Variants in SPSB4 observed in about 807,000 individuals in gnomAD.
SPSB4 encodes splA/ryanodine receptor domain and SOCS box containing 4, also known as SPRY domain-containing SOCS box protein 4.
In SPSB4, 21 loss-of-function variants were observed where a neutral mutation model predicts 20.9. That is an observed-to-expected ratio of 1.01 (90% confidence interval 0.71 to 1.45). The LOEUF (loss-of-function observed/expected upper bound fraction) is 1.45. SPSB4 is among the 40% of genes most tolerant of loss of function. The pLI is 0.00. For missense variants in SPSB4, 399 were observed against 399.2 expected (o/e 1.00, Z 0.00); for synonymous variants, 207 against 183.8 (o/e 1.13, Z -1.02).
At chr3:141,067,976 C>T (rs1253082627) in intron 2 of SPSB4, among the ~76,000 whole-genome samples, 2 of 152,228 alleles carry the variant, frequency 1.3e-5, no homozygotes, top group Non-Finnish European at 2.9e-5. Context: ...GGGTTCCCCC[C>T]AGTTCTGATG....
intron 1 of SPSB4, among the ~76,000 whole-genome samples, chr3:141,058,804 C>G (rs1937707155): frequency 6.6e-6 from 1 of 152,122 alleles, no homozygotes; most frequent in Non-Finnish European, 1.5e-5. Flanking sequence ...TGGATACAGC[C>G]AAGAGTCAGC....
chr3:141,095,222 C>G (rs567454854), intron 2 of SPSB4, among the ~76,000 whole-genome samples: 1 of 152,112 alleles, frequency 6.6e-6, no homozygotes, highest in Non-Finnish European at 1.5e-5. Context: ...CCGCAGTCCC[C>G]GGAGAGTTGC....
chr3:141,066,771 A>G lies in SPSB4; in HGVS notation c.667A>G (p.Thr223Ala), dbSNP rs1937894375. ...TGCCGTGTGGGGCCACTGTGAAGTCACCATGCGCTACATCAACGGCCTTGA... is the reference window on the plus strand; with the variant it reads ...TGCCGTGTGGGGCCACTGTGAAGTCGCCATGCGCTACATCAACGGCCTTGA... The part of the protein sequence containing the change: ...VSAVWGHCEV[T>A]MRYINGLDPE... Residue 223 changes from threonine (T) to alanine (A), a missense_variant, in exon 2 of 3, where the codon ACC becomes GCC. By Grantham distance (58) the Thr-to-Ala change is moderately conservative. Transcript: ENST00000310546. 1.3e-6 allele frequency: 2 copies of G among 1,567,000 alleles called. No homozygotes were observed.
intron 2 of SPSB4, among the ~76,000 whole-genome samples, chr3:141,142,873 G>C (rs1301320621): frequency 7.8e-6 from 1 of 128,722 alleles, no homozygotes; most frequent in African/African-American, 2.9e-5. Context: ...CTGGAGTGCA[G>C]TGGCATGATC....
chr3:141,052,857 T>C (rs1358883745), intron 1 of SPSB4, among the ~76,000 whole-genome samples: 1 of 152,140 alleles, frequency 6.6e-6, no homozygotes, highest in Non-Finnish European at 1.5e-5. Flanking sequence ...CGCCAGGGGC[T>C]CCAAGCCAGA....
At chr3:141,142,980 C>A (rs1466474169) in intron 2 of SPSB4, among the ~76,000 whole-genome samples, 2 of 151,794 alleles carry the variant, frequency 1.3e-5, no homozygotes, top group African/African-American at 2.4e-5. Context: ...CCACGCCCAG[C>A]TAATTTTTTG....
At chr3:141,060,369 C>T (rs1257446153) in intron 1 of SPSB4, among the ~76,000 whole-genome samples, 1 of 152,170 alleles carries the variant, frequency 6.6e-6, no homozygotes, top group Non-Finnish European at 1.5e-5. Context: ...GTGGGCCACA[C>T]AGAGCTGGTT....
At position 141,101,820 on chromosome 3, in the gene SPSB4, C is replaced by A. The variant is rs1938616704; in HGVS notation, c.694+35022C>A. 2.0e-5 allele frequency among the ~76,000 whole-genome samples: 3 copies of A among 152,328 alleles called. 1 individual carries two copies. The South Asian group carries it at 6.2e-4, about 32-fold the overall frequency. ...AACGTGTTGCACATCTTAAACTAGTCATAATAGGTTCTGCACTATTCGTTT... is the reference window on the plus strand; with the variant it reads ...AACGTGTTGCACATCTTAAACTAGTAATAATAGGTTCTGCACTATTCGTTT... On this transcript the variant is annotated intron_variant, in intron 2 of 2. Coordinates refer to ENST00000310546, the MANE Select transcript of SPSB4 (RefSeq NM_080862.3).
Position 141,122,756 on chromosome 3 carries a change from G to A in SPSB4, c.695-24386G>A, listed in dbSNP as rs143481009. Among the ~76,000 whole-genome samples, 661 of 152,346 alleles carry A rather than the reference G, an allele frequency of 4.3e-3. 11 individuals carry two copies. Among genetic ancestry groups the A allele is most frequent in the Admixed American group, 0.03 (462 of 15,308 alleles). On this transcript the variant is annotated intron_variant, in intron 2 of 2. Transcript: ENST00000310546. ...GCGTGGGACCCGCCAAGCCAGGCAC[G>A]GGAGGGAATTTCCTGGTCTGCCTGT...
At chr3:141,077,928 T>G (rs1401389525) in intron 2 of SPSB4, among the ~76,000 whole-genome samples, 1 of 152,242 alleles carries the variant, frequency 6.6e-6, no homozygotes, top group Admixed American at 6.5e-5. Context: ...ACCCCATCAC[T>G]GCATCAACTG....
intron 2 of SPSB4, among the ~76,000 whole-genome samples, chr3:141,140,983 T>A (rs1418553102): frequency 6.6e-6 from 1 of 152,216 alleles, no homozygotes; most frequent in East Asian, 1.9e-4. Context: ...TCCACCCAGT[T>A]TGAGCTTCCT....
chr3:141,094,747 T>C, intron 2 of SPSB4, among the ~76,000 whole-genome samples: 1 of 151,930 alleles, frequency 6.6e-6, no homozygotes, highest in East Asian at 1.9e-4. Context: ...GCCTGAAGGT[T>C]CTCCCTTGTG....
intron 1 of SPSB4, among the ~76,000 whole-genome samples, chr3:141,055,768 G>C (rs1559836187): frequency 6.6e-6 from 1 of 152,208 alleles, no homozygotes; most frequent in African/African-American, 2.4e-5. Context: ...CAGATTCCGA[G>C]GTGCACATGG....
Position 141,066,418 on chromosome 3 carries a change from CG to C in SPSB4, c.316del (p.Ala106LeufsTer9). 2.0e-6 allele frequency: 3 copies of C among 1,524,468 alleles called. No individual in the cohort carries two copies. The highest frequency in any genetic ancestry group is 2.6e-6 in the Non-Finnish European group (3 of 1,137,012). The allele number at this position is 1,524,468 out of a possible 1,614,324, so 94.4% of individuals were successfully genotyped here. A position where few individuals can be genotyped will look rare whatever the true frequency, so the allele number is the denominator to read the frequency against. On this transcript the variant is annotated frameshift_variant, in exon 2 of 3. Transcript: ENST00000310546. LOFTEE classifies it high-confidence loss of function. ...CTGCACGCCTGGCAGATCAACTGGCCGGCTCGGCAGCGCGGCACCCACGCTG... is the reference window on the plus strand; with the variant it reads ...CTGCACGCCTGGCAGATCAACTGGCCGCTCGGCAGCGCGGCACCCACGCTG... ...RGLHAWQINWPARQRGTHAVV... is the reference protein window; with the variant it reads ...RGLHAWQINWXARQRGTHAVV...
chr3:141,139,045 ATAGT>A (rs1193646074), intron 2 of SPSB4, among the ~76,000 whole-genome samples: 1 of 152,124 alleles, frequency 6.6e-6, no homozygotes, highest in African/African-American at 2.4e-5. Context: ...TATATTTAGG[ATAGT>A]TAGTTCTTCT....
intron 2 of SPSB4, among the ~76,000 whole-genome samples, chr3:141,127,013 A>C (rs573539022): frequency 6.6e-6 from 1 of 152,302 alleles, no homozygotes; most frequent in African/African-American, 2.4e-5. Flanking sequence ...ACCCAAACAC[A>C]CAGAGGTTTC....
At chr3:141,145,125 A>T (rs1939392441) in intron 2 of SPSB4, among the ~76,000 whole-genome samples, 1 of 152,028 alleles carries the variant, frequency 6.6e-6, no homozygotes, top group South Asian at 2.1e-4. Context: ...TTGTATGAGG[A>T]TCGATATACT....
chr3:141,132,038 A>G (rs182279952), intron 2 of SPSB4, among the ~76,000 whole-genome samples: 32 of 152,038 alleles, frequency 2.1e-4, no homozygotes, highest in Admixed American at 3.9e-4. Context: ...TAATTTCAAC[A>G]GGTGGTTTTT....
intron 2 of SPSB4, among the ~76,000 whole-genome samples, chr3:141,102,510 AG>A (rs1938627535): frequency 6.6e-6 from 1 of 152,114 alleles, no homozygotes; most frequent in South Asian, 2.1e-4. Context: ...TTAACAAGTG[AG>A]GTGCCTGTTT....
Sources: gnomAD v4.1 joint callset for allele counts (sites outside exome capture counted in the v4.1 genomes callset) on GRCh38, gnomAD v4.1.1 for gene constraint, MANE v1.5 for transcripts, NCBI Gene and HGNC (gene_info 2026-07-23, HGNC 2026-07-21) for gene names.